Variants in APBA1 observed in about 807,000 individuals in gnomAD.
The protein encoded by APBA1 is amyloid beta precursor protein binding family A member 1.
Under a neutral mutation model 86.6 loss-of-function variants are expected in APBA1, and 55 were observed. The ratio of observed to expected loss-of-function variants is 0.64; its 90% CI spans 0.51 to 0.80. APBA1 has a LOEUF of 0.80. APBA1 is among the 30% of genes least tolerant of loss of function. The pLI is 0.00. For missense variants in APBA1, 1,090 were observed against 1,183.0 expected (o/e 0.92, Z 1.15); for synonymous variants, 511 against 493.9 (o/e 1.03, Z -0.46).
chr9:69,644,840 A>T (rs555166018), intron 1 of APBA1, among the ~76,000 whole-genome samples: 47 of 152,300 alleles, frequency 3.1e-4, no homozygotes, highest in African/African-American at 1.1e-3. Context: ...GTAATAAAAG[A>T]TGTGCTTCAA....
At chr9:69,451,139 C>T (rs1439285759) in intron 9 of APBA1, among the ~76,000 whole-genome samples, 1 of 152,202 alleles carries the variant, frequency 6.6e-6, no homozygotes. Context: ...TGCCAGCTCC[C>T]TCGCTCCAAG....
At chr9:69,655,481 T>C (rs1187008353) in intron 1 of APBA1, among the ~76,000 whole-genome samples, 1 of 152,026 alleles carries the variant, frequency 6.6e-6, no homozygotes, top group South Asian at 2.1e-4. Context: ...GCAAATCCAT[T>C]TACAATAGCT....
chr9:69,568,368 A>C (rs957680976), intron 1 of APBA1, among the ~76,000 whole-genome samples: 1 of 152,248 alleles, frequency 6.6e-6, no homozygotes, highest in African/African-American at 2.4e-5. Flanking sequence ...GAAATAACCT[A>C]GCCAGGCATT....
At chr9:69,475,520 T>TGTGAACTGGAACCACACCCTAG (rs1835429700) in intron 3 of APBA1, among the ~76,000 whole-genome samples, 1 of 152,144 alleles carries the variant, frequency 6.6e-6, no homozygotes, top group South Asian at 2.1e-4. Context: ...GGACAACAGG[T>TGTGAACTGGAACCACACCCTAG]GTGAACTGGA....
rs1222098934 is a variant in APBA1 at position 69,427,769 on chromosome 9, A to G, written c.*3558T>C. On this transcript the variant is annotated 3_prime_UTR_variant, in exon 13 of 13. Coordinates refer to ENST00000265381, the MANE Select transcript of APBA1 (RefSeq NM_001163.4). ...TCACGTGTAGATATATTTTATTTAT[A>G]TATTTATTTATATTTATATATAGAT... 3.3e-5 allele frequency: 5 copies of G among 151,680 alleles called. No homozygotes were observed. The highest frequency in any genetic ancestry group is 3.2e-3 in the Middle Eastern group (1 of 316). The allele number at this position is 151,680 out of a possible 1,614,324, so 9.4% of individuals were successfully genotyped here. A position where few individuals can be genotyped will look rare whatever the true frequency, so the allele number is the denominator to read the frequency against.
chr9:69,536,526 T>C (rs949910844), intron 1 of APBA1, among the ~76,000 whole-genome samples: 5 of 151,544 alleles, frequency 3.3e-5, no homozygotes, highest in Non-Finnish European at 7.4e-5. Context: ...ATAACATAAA[T>C]TTTACCACTT....
chr9:69,484,696 C>T (rs1266293634), intron 2 of APBA1, among the ~76,000 whole-genome samples: 3 of 152,090 alleles, frequency 2.0e-5, no homozygotes, highest in African/African-American at 7.2e-5. Context: ...CCTTCTCCCC[C>T]AAGAGCTCTC....
chr9:69,657,474 A>G (rs531974464), intron 1 of APBA1, among the ~76,000 whole-genome samples: 4 of 152,244 alleles, frequency 2.6e-5, no homozygotes, highest in African/African-American at 9.6e-5. Flanking sequence ...ACCTGTGTCT[A>G]GTGTTAATAT....
At position 69,549,660 on chromosome 9, in the gene APBA1, G is replaced by A. The variant is rs115278222; in HGVS notation, c.-69-32381C>T. 2.6e-3 allele frequency among the ~76,000 whole-genome samples: 401 copies of A among 152,210 alleles called. 1 individual carries two copies. The highest frequency in any genetic ancestry group is 9.0e-3 in the African/African-American group (375 of 41,538). ...GCACAGTGAAGAACCTTTTACATCC[G>A]AAAAATTCGATTCATATCAATTCAA... On this transcript the variant is annotated intron_variant, in intron 1 of 12. Transcript: ENST00000265381.
Position 69,516,609 on chromosome 9 carries a change from A to C in APBA1, c.602T>G (p.Ile201Arg), listed in dbSNP as rs1203699878. 1 of 1,605,992 alleles carries C rather than the reference A, an allele frequency of 6.2e-7. No individual in the cohort carries two copies. Among genetic ancestry groups the C allele is most frequent in the Non-Finnish European group, 8.5e-7 (1 of 1,179,176 alleles). Residue 201 changes from isoleucine (I) to arginine (R), a missense_variant, in exon 2 of 13, where the codon ATA (isoleucine) becomes AGA (arginine). Ile to Arg is a moderately conservative substitution (Grantham distance 97). Around this residue, in one of 6 missense-constraint regions of APBA1, gnomAD observed 678 missense variants for 647.1 expected, o/e 1.05. Coordinates refer to ENST00000265381, the MANE Select transcript of APBA1 (RefSeq NM_001163.4). This position sits in a 1 kb window ranked among gnomAD's most constrained non-coding sequence, Gnocchi z 7.3. ...GGLQEHVYEE[I>R]GDAPELDARD... The stretch of plus-strand genomic sequence containing the variant: ...TGCGTCCAGCTCGGGCGCGTCCCCT[A>C]TCTCCTCGTACACGTGCTCCTGGAG...
intron 2 of APBA1, among the ~76,000 whole-genome samples, chr9:69,481,209 G>A (rs1835501553): frequency 1.3e-5 from 2 of 152,022 alleles, no homozygotes; most frequent in Admixed American, 1.3e-4. Flanking sequence ...TGACATGATT[G>A]TATATCTAGA....
intron 2 of APBA1, among the ~76,000 whole-genome samples, chr9:69,486,424 C>G (rs1222771682): frequency 1.3e-5 from 2 of 152,116 alleles, no homozygotes; most frequent in East Asian, 1.9e-4. Flanking sequence ...CAGTGCCTAT[C>G]TGTGTTCCTA....
chr9:69,579,593 G>A (rs915981715), intron 1 of APBA1, among the ~76,000 whole-genome samples: 1 of 152,134 alleles, frequency 6.6e-6, no homozygotes, highest in African/African-American at 2.4e-5. Flanking sequence ...TTTGGCCAAG[G>A]TCACACAGCT....
chr9:69,656,797 CTAG>C (rs1823620388), intron 1 of APBA1, among the ~76,000 whole-genome samples: 1 of 150,752 alleles, frequency 6.6e-6, no homozygotes, highest in African/African-American at 2.4e-5. Context: ...TATTATGTGA[CTAG>C]TAGTCAAACT....
In APBA1 at chr9:69,457,105, A is replaced by C. The variant is rs1422279942; in HGVS notation, c.1550T>G (p.Val517Gly). 6.2e-7 allele frequency: 1 copy of C among 1,614,234 alleles called. No homozygotes were observed. The highest frequency in any genetic ancestry group is 8.5e-7 in the Non-Finnish European group (1 of 1,180,030). ...PEGESQPMTE[V>G]DLFISTQRIK... ...TCTCTGGGTAGAAATGAAGAGATCC[A>C]CTTCAGTCATTGGCTGAGATTCGCC... is the stretch of plus-strand genomic sequence containing the variant. Residue 517 changes from valine (V) to glycine (G), a missense_variant, in exon 7 of 13, where the codon GTG (valine) becomes GGG (glycine). By Grantham distance (109) the Val-to-Gly change is moderately radical (BLOSUM62 -3). Transcript: ENST00000265381.
chr9:69,559,733 C>T (rs2133937042), intron 1 of APBA1, among the ~76,000 whole-genome samples: 1 of 152,216 alleles, frequency 6.6e-6, no homozygotes, highest in Non-Finnish European at 1.5e-5. Context: ...GCAATTTGAC[C>T]ATTTCCTCTG....
intron 1 of APBA1, among the ~76,000 whole-genome samples, chr9:69,645,019 G>A (rs1188620641): frequency 6.6e-6 from 1 of 152,078 alleles, no homozygotes; most frequent in Non-Finnish European, 1.5e-5. Context: ...GTGGGGATGG[G>A]AGTGGGGGAC....
chr9:69,534,797 G>T (rs551861254), intron 1 of APBA1, among the ~76,000 whole-genome samples: 1 of 151,894 alleles, frequency 6.6e-6, no homozygotes, highest in African/African-American at 2.4e-5. Flanking sequence ...AACTCTATAC[G>T]ATATATCACA....
intron 1 of APBA1, among the ~76,000 whole-genome samples, chr9:69,521,941 A>G (rs980373579): frequency 6.6e-6 from 1 of 152,004 alleles, no homozygotes; most frequent in African/African-American, 2.4e-5. Flanking sequence ...GTGTGGTGGC[A>G]TGCTACTGGG....
Sources: gnomAD v4.1 joint callset for allele counts (sites outside exome capture counted in the v4.1 genomes callset) on GRCh38, gnomAD v4.1.1 for gene constraint, gnomAD v4.1.1 regional missense constraint, Gnocchi (gnomAD v3.1) non-coding constraint, MANE v1.5 for transcripts, NCBI Gene and HGNC (gene_info 2026-07-23, HGNC 2026-07-21) for gene names.